Variants in C12orf42 observed in about 807,000 individuals in gnomAD.
C12orf42 encodes uncharacterized protein C12orf42.
In C12orf42, 25 loss-of-function variants were observed where a neutral mutation model predicts 21.6. The ratio of observed to expected loss-of-function variants is 1.16; its 90% confidence interval spans 0.84 to 1.62. The LOEUF (loss-of-function observed/expected upper bound fraction) is 1.62. C12orf42 is among the 40% of genes most tolerant of loss of function. The pLI, the probability that C12orf42 is intolerant of heterozygous loss-of-function variation, is 0.00. For synonymous variants in C12orf42, 174 were observed against 175.0 expected, an observed-to-expected ratio of 0.99 and a Z score of 0.05; for missense variants, 483 against 459.3, an observed-to-expected ratio of 1.05 and a Z score of -0.47.
chr12:103,190,317 T>C, the C12orf42 span, among the ~76,000 whole-genome samples: 1 of 152,174 alleles, frequency 6.6e-6, no homozygotes, highest in Non-Finnish European at 1.5e-5. Flanking sequence ...TTGTTCTAGC[T>C]TCACTGGCTG....
the C12orf42 span, among the ~76,000 whole-genome samples, chr12:103,130,944 C>A: frequency 6.6e-6 from 1 of 152,210 alleles, no homozygotes; most frequent in South Asian, 2.1e-4. Context: ...TCCACGTATA[C>A]CCACACAAAC....
rs564677270 is a variant in C12orf42, at chr12:103,372,635, T to C, written c.148-3637A>G. Among the ~76,000 whole-genome samples, 5 of 152,244 alleles carry C rather than the reference T, an allele frequency of 3.3e-5. No homozygotes were observed. The East Asian group carries it at 7.7e-4, about 24-fold the overall frequency. On this transcript the variant is annotated intron_variant, in intron 3 of 5. Coordinates refer to ENST00000548883, the MANE Select transcript of C12orf42 (RefSeq NM_198521.5). ...ACCTAAAGAACCAAACACAAAGTCCTTTCTATGGTATAGGAGGCTGGTCAT... is the reference window on the plus strand; with the variant it reads ...ACCTAAAGAACCAAACACAAAGTCCCTTCTATGGTATAGGAGGCTGGTCAT...
intron 4 of C12orf42, among the ~76,000 whole-genome samples, chr12:103,348,184 A>G (rs2042798976): frequency 6.6e-6 from 1 of 152,212 alleles, no homozygotes; most frequent in Admixed American, 6.6e-5. Flanking sequence ...GGAATGTATA[A>G]GAAAGAGATA....
At chr12:103,087,159 C>T in the C12orf42 span, among the ~76,000 whole-genome samples, 31 of 152,010 alleles carry the variant, frequency 2.0e-4, no homozygotes, top group African/African-American at 7.2e-4. Context: ...ATATGTAATG[C>T]TGGAGTTTGG....
the C12orf42 span, among the ~76,000 whole-genome samples, chr12:103,560,906 A>G: frequency 6.6e-6 from 1 of 152,178 alleles, no homozygotes; most frequent in Non-Finnish European, 1.5e-5. Flanking sequence ...TTCATCCACA[A>G]TAGCATATCT....
chr12:103,195,569 C>T, the C12orf42 span, among the ~76,000 whole-genome samples: 2 of 151,976 alleles, frequency 1.3e-5, no homozygotes, highest in Admixed American at 6.6e-5. Flanking sequence ...TTTTCATATG[C>T]TTGTTGGCTA....
At chr12:103,080,947 G>C in the C12orf42 span, 2 of 152,176 alleles carry the variant, frequency 1.3e-5, no homozygotes, top group Non-Finnish European at 2.9e-5. Context: ...GCTGGGATTT[G>C]AACCCAGAGA....
the C12orf42 span, among the ~76,000 whole-genome samples, chr12:103,226,790 C>CTCAACGACGCTTGTGGTTGGTACT: frequency 6.6e-6 from 1 of 152,034 alleles, no homozygotes; most frequent in African/African-American, 2.4e-5. Context: ...ATTAGAAAGA[C>CTCAACGACGCTTGTGGTTGGTACT]TCAACGACGC....
At chr12:103,511,349 T>G in the C12orf42 span, among the ~76,000 whole-genome samples, 2 of 150,086 alleles carry the variant, frequency 1.3e-5, no homozygotes, top group African/African-American at 4.9e-5. Context: ...ATAAAATTGT[T>G]TATATTTAAT....
At chr12:103,336,576 G>A (rs2041718387) in intron 4 of C12orf42, among the ~76,000 whole-genome samples, 1 of 152,102 alleles carries the variant, frequency 6.6e-6, no homozygotes. Context: ...TATAGAATGT[G>A]GCTATTTTTG....
intron 5 of C12orf42, 120 bp from the exon 6 acceptor site, chr12:103,302,679 A>AC: frequency 5.6e-6 from 4 of 715,042 alleles, no homozygotes; most frequent in Non-Finnish European, 6.3e-6. Flanking sequence ...CAGAGGGGAA[A>AC]GAAAAAAAAA....
At chr12:103,139,869 G>C in the C12orf42 span, among the ~76,000 whole-genome samples, 4 of 152,194 alleles carry the variant, frequency 2.6e-5, no homozygotes, top group Admixed American at 6.5e-5. Context: ...ATATTTTCTA[G>C]TGGTGGTACT....
intron 2 of C12orf42, among the ~76,000 whole-genome samples, chr12:103,448,155 T>C (rs1951697534): frequency 6.6e-6 from 1 of 152,002 alleles, no homozygotes; most frequent in African/African-American, 2.4e-5. Flanking sequence ...TATAGCCAAC[T>C]GACCTTCAAC....
chr12:103,368,043 A>G, intron 4 of C12orf42: 1 of 1,279,226 alleles, frequency 7.8e-7, no homozygotes, highest in Non-Finnish European at 1.0e-6. Flanking sequence ...AAACTTCATT[A>G]TCTCTTAGGT....
At chr12:103,346,058 A>T (rs539083863) in intron 4 of C12orf42, among the ~76,000 whole-genome samples, 9 of 152,314 alleles carry the variant, frequency 5.9e-5, no homozygotes, top group African/African-American at 1.7e-4. Flanking sequence ...TAATTGAAAT[A>T]TCTGCAGCAT....
the C12orf42 span, among the ~76,000 whole-genome samples, chr12:103,559,980 A>G: frequency 6.6e-6 from 1 of 152,178 alleles, no homozygotes; most frequent in Non-Finnish European, 1.5e-5. Flanking sequence ...CACTAGGGGG[A>G]AAAATGCCTC....
At chr12:103,090,168 A>T in the C12orf42 span, among the ~76,000 whole-genome samples, 7 of 152,306 alleles carry the variant, frequency 4.6e-5, no homozygotes, top group South Asian at 1.4e-3. Context: ...GCCTGAAGGA[A>T]GAAAATTCAA....
At chr12:103,378,852 C>T (rs541244672) in intron 3 of C12orf42, 21 of 151,902 alleles carry the variant, frequency 1.4e-4, no homozygotes, top group African/African-American at 5.1e-4. Context: ...GAAAAAGCAA[C>T]CACAAAGTGC....
chr12:103,490,941 T>C (rs1428361081), intron 1 of C12orf42, among the ~76,000 whole-genome samples: 1 of 152,106 alleles, frequency 6.6e-6, no homozygotes, highest in East Asian at 1.9e-4. Flanking sequence ...CATTGATGAA[T>C]TAAATGTGTG....
Sources: gnomAD v4.1 joint callset for allele counts (sites outside exome capture counted in the v4.1 genomes callset) on GRCh38, gnomAD v4.1.1 for gene constraint, MANE v1.5 for transcripts, NCBI Gene and HGNC (gene_info 2026-07-23, HGNC 2026-07-21) for gene names.